Variants in TBC1D31 observed in about 807,000 individuals in gnomAD.
TBC1D31 encodes the protein TBC1 domain family member 31.
In TBC1D31, 99 loss-of-function variants were observed where a neutral mutation model predicts 132.9. That is an observed-to-expected ratio of 0.74 (90% CI 0.63 to 0.88). TBC1D31 has a LOEUF of 0.88. TBC1D31 is among the 40% of genes least tolerant of loss of function. The pLI is 0.00. For synonymous variants in TBC1D31, 385 were observed against 419.4 expected (o/e 0.92, Z 1.00); for missense variants, 1,134 against 1,256.6 (o/e 0.90, Z 1.48).
At chr8:123,097,529 C>T (rs2130287316) in intron 6 of TBC1D31, 88 bp downstream of exon 6, 1 of 1,355,142 alleles carries the variant, frequency 7.4e-7, no homozygotes, top group Non-Finnish European at 1.0e-6. Flanking sequence ...ATTTAACTTA[C>T]ACCCTGGCTG....
At chr8:123,157,709 G>A in the TBC1D31 span, among the ~76,000 whole-genome samples, 1 of 96,552 alleles carries the variant, frequency 1.0e-5, no homozygotes, top group Admixed American at 9.5e-5. Flanking sequence ...ACACACACGG[G>A]CGCGCGCGCG....
intron 10 of TBC1D31, among the ~76,000 whole-genome samples, chr8:123,114,573 C>T (rs1563717602): frequency 1.3e-5 from 2 of 152,150 alleles, no homozygotes; most frequent in Non-Finnish European, 2.9e-5. Context: ...CTGCTCGCCT[C>T]GGCCTCCCAA....
intron 13 of TBC1D31, among the ~76,000 whole-genome samples, chr8:123,127,249 TG>T (rs2130785164): frequency 6.7e-6 from 1 of 149,792 alleles, no homozygotes; most frequent in Non-Finnish European, 1.5e-5. Context: ...TATTGGGGTT[TG>T]TGCTTTTTGC....
At chr8:123,147,856 G>T (rs182781437) in intron 20 of TBC1D31, among the ~76,000 whole-genome samples, 1 of 152,152 alleles carries the variant, frequency 6.6e-6, no homozygotes, top group Non-Finnish European at 1.5e-5. Flanking sequence ...AGCCCGGCGC[G>T]GTGGCTCACT....
rs1289496519 is a variant in TBC1D31 at position 123,150,099 on chromosome 8, A to T, written c.3038A>T (p.Asp1013Val). 32 of 1,613,860 alleles carry T rather than the reference A, an allele frequency of 2.0e-5. No homozygotes were observed. The highest frequency in any genetic ancestry group is 2.5e-5 in the Non-Finnish European group (30 of 1,179,814). ...SCLPRTSQLN[D>V]SSEMDPSTQI... ...TTGCCTAGAACCTCACAATTAAATG[A>T]CTCTTCTGAAATGGATCCCTCAACA... The change falls in exon 21 of 22, where the codon GAC becomes GTC. Residue 1013 changes from aspartate (D) to valine (V), a missense_variant. By Grantham distance (152) the Asp-to-Val change is radical. Coordinates refer to ENST00000287380, the MANE Select transcript of TBC1D31 (RefSeq NM_145647.4).
At chr8:123,085,653 C>G (rs1389246440) in intron 4 of TBC1D31, among the ~76,000 whole-genome samples, 1 of 152,142 alleles carries the variant, frequency 6.6e-6, no homozygotes, top group Non-Finnish European at 1.5e-5. Flanking sequence ...TTGTGATCCA[C>G]CCGCCTTAGC....
intron 1 of TBC1D31, among the ~76,000 whole-genome samples, chr8:123,076,783 T>TA (rs1466989803): frequency 1.3e-5 from 2 of 152,250 alleles, no homozygotes; most frequent in African/African-American, 2.4e-5. Flanking sequence ...TGTGTTTATT[T>TA]TTTTAATATC....
At chr8:123,163,320 TA>T in the TBC1D31 span, among the ~76,000 whole-genome samples, 1 of 151,486 alleles carries the variant, frequency 6.6e-6, no homozygotes, top group East Asian at 1.9e-4. Context: ...CTATTTTTTT[TA>T]AATTGTGGTA....
At chr8:123,114,531 A>G (rs1161396798) in intron 10 of TBC1D31, among the ~76,000 whole-genome samples, 2 of 152,284 alleles carry the variant, frequency 1.3e-5, no homozygotes, top group East Asian at 3.9e-4. Context: ...CAAGTTTGCC[A>G]GGCTGGTCTG....
intron 20 of TBC1D31, among the ~76,000 whole-genome samples, chr8:123,149,609 G>C (rs1402627840): frequency 6.6e-6 from 1 of 152,220 alleles, no homozygotes; most frequent in Non-Finnish European, 1.5e-5. Context: ...CTAGGGCACT[G>C]CCCTGCCTGC....
At chr8:123,137,090 C>T (rs74330884) in intron 17 of TBC1D31, among the ~76,000 whole-genome samples, 3,396 of 152,180 alleles carry the variant, frequency 0.022, 116 homozygotes, top group African/African-American at 0.078. Flanking sequence ...ACATTCCATA[C>T]GTATCTAATT....
intron 4 of TBC1D31, among the ~76,000 whole-genome samples, chr8:123,090,619 T>C (rs946709070): frequency 6.6e-6 from 1 of 152,158 alleles, no homozygotes; most frequent in African/African-American, 2.4e-5. Flanking sequence ...TTGCTAATAT[T>C]AGTATCCTAA....
Position 123,126,084 on chromosome 8 carries a change from T to G in TBC1D31, c.1599T>G (p.Tyr533Ter). The change falls in exon 12 of 22, where the codon TAT becomes TAG. Residue 533 changes from tyrosine (Y) to a stop codon, truncating the protein, a stop_gained. Coordinates refer to ENST00000287380, the MANE Select transcript of TBC1D31 (RefSeq NM_145647.4). LOFTEE classifies it high-confidence loss of function. ...IINWCQHWFE[Y>*]FPNPPINILS... ...ATTGGTGTCAACACTGGTTTGAATATTTTCCTAATCCTCCTATCAATATTC... is the reference window on the plus strand; with the variant it reads ...ATTGGTGTCAACACTGGTTTGAATAGTTTCCTAATCCTCCTATCAATATTC... 1 of 1,609,184 alleles carries G rather than the reference T, an allele frequency of 6.2e-7. No homozygotes were observed. Among genetic ancestry groups the G allele is most frequent in the Non-Finnish European group, 8.5e-7 (1 of 1,178,184 alleles).
chr8:123,139,109 A>T (rs949771035), intron 17 of TBC1D31, among the ~76,000 whole-genome samples: 1 of 139,134 alleles, frequency 7.2e-6, no homozygotes, highest in South Asian at 2.2e-4. Context: ...TGCCTGGCAC[A>T]TATTTCTTGT....
chr8:123,082,806 G>A lies in TBC1D31; in HGVS notation c.329G>A (p.Cys110Tyr), dbSNP rs757389232. 4 of 1,605,578 alleles carry A rather than the reference G, an allele frequency of 2.5e-6. No individual in the cohort carries two copies. Among genetic ancestry groups the A allele is most frequent in the African/African-American group, 1.3e-5 (1 of 74,844 alleles). ...GCATTAGCTGATTATTCTATTAAAT[G>A]TTTTGATACAGGTAAGAAGTTCTCC... Reference protein sequence around the residue: ...LVALADYSIKCFDTVTKELVS... With the variant: ...LVALADYSIKYFDTVTKELVS... The change falls in exon 3 of 22, where the codon TGT becomes TAT. Residue 110 changes from cysteine (C) to tyrosine (Y), a missense_variant. Transcript: ENST00000287380.
At chr8:123,073,085 C>T (rs1814076557) in intron 1 of TBC1D31, among the ~76,000 whole-genome samples, 1 of 152,194 alleles carries the variant, frequency 6.6e-6, no homozygotes, top group Admixed American at 6.5e-5. Context: ...GCCGGTGGTT[C>T]TCAGACCTGG....
intron 17 of TBC1D31, among the ~76,000 whole-genome samples, chr8:123,138,720 G>A (rs1214043631): frequency 6.6e-6 from 1 of 152,180 alleles, no homozygotes; most frequent in Non-Finnish European, 1.5e-5. Flanking sequence ...AGCATGTTAA[G>A]CATCTTTTCA....
rs1817488850 is a variant in TBC1D31 at position 123,102,145 on chromosome 8, A to G, written c.1032+1138A>G. 2.1e-5 allele frequency: 9 copies of G among 428,010 alleles called. 1 individual carries two copies. In the Middle Eastern group the frequency reaches 2.4e-3, roughly 112 times the overall value. 26.5% of individuals were successfully genotyped at this position (428,010 alleles called of 1,614,324 possible). ...TGGTTATCTAAAATTCCCCCAGCTA[A>G]CCAGTCATATTGTCCGTGTGTCTTC... On this transcript the variant is annotated intron_variant, in intron 7 of 21. Transcript: ENST00000287380.
chr8:123,145,711 T>A (rs560006169), intron 20 of TBC1D31, among the ~76,000 whole-genome samples: 2 of 147,494 alleles, frequency 1.4e-5, no homozygotes, highest in African/African-American at 4.9e-5. Flanking sequence ...AAAAAAAGAT[T>A]TCCAAAAATT....
Sources: allele counts gnomAD v4.1 joint callset (sites outside exome capture counted in the v4.1 genomes callset), GRCh38; gene constraint gnomAD v4.1.1; transcripts MANE v1.5; gene names NCBI Gene and HGNC (gene_info 2026-07-23, HGNC 2026-07-21).